The following ABL2 variants were observed in gnomAD, a reference collection of about 807,000 sequenced individuals.
ABL2 encodes the protein ABL proto-oncogene 2, non-receptor tyrosine kinase.
A neutral mutation model predicts 107.7 loss-of-function variants in ABL2; 49 were observed. The observed-to-expected ratio is 0.45, with a 90% CI of 0.36 to 0.58. The LOEUF (loss-of-function observed/expected upper bound fraction) is 0.58, where lower values mean the gene tolerates loss of function less well. ABL2 is among the 20% of genes least tolerant of loss of function. The pLI is 0.00. For missense variants in ABL2, 1,245 were observed against 1,457.0 expected (o/e 0.85, Z 2.37); for synonymous variants, 549 against 548.6 (o/e 1.00, Z -0.01).
chr1:179,135,154 C>T (rs1656748379), intron 1 of ABL2, among the ~76,000 whole-genome samples: 1 of 152,214 alleles, frequency 6.6e-6, no homozygotes, highest in Non-Finnish European at 1.5e-5. Context: ...GCCGCCACCC[C>T]GTCTGGGAAG....
intron 1 of ABL2, among the ~76,000 whole-genome samples, chr1:179,209,075 T>G (rs545355692): frequency 1.0e-3 from 158 of 152,282 alleles, no homozygotes; most frequent in African/African-American, 3.6e-3. Flanking sequence ...ATACAGCACC[T>G]TGGCATTTGA....
intron 1 of ABL2, among the ~76,000 whole-genome samples, chr1:179,203,649 T>C (rs902448477): frequency 6.6e-6 from 1 of 152,172 alleles, no homozygotes; most frequent in Non-Finnish European, 1.5e-5. Context: ...TGGTAGGCAA[T>C]AGCTTACAGT....
At chr1:179,156,915 AAATAAATAAATAAAT>A (rs1396524285) in intron 1 of ABL2, among the ~76,000 whole-genome samples, 10 of 150,156 alleles carry the variant, frequency 6.7e-5, no homozygotes, top group Admixed American at 4.0e-4. Flanking sequence ...ATAAATAAAT[AAATAAATAAATAAAT>A]AAAACTCTAT....
At chr1:179,153,724 C>T (rs778363065) in intron 1 of ABL2, among the ~76,000 whole-genome samples, 6 of 152,072 alleles carry the variant, frequency 3.9e-5, no homozygotes, top group Non-Finnish European at 7.4e-5. Context: ...TTCATAGGTT[C>T]CAGGGATTAG....
intron 3 of ABL2, 151 bp downstream of exon 3, chr1:179,131,151 CCAGGTTGGT>C (rs1199512473): frequency 3.5e-6 from 2 of 578,164 alleles, no homozygotes; most frequent in African/African-American, 3.7e-5. Flanking sequence ...ACCATGTTGG[CCAGGTTGGT>C]CTCAAACTCC....
At chr1:179,198,510 T>C (rs964553456) in intron 1 of ABL2, among the ~76,000 whole-genome samples, 1 of 151,654 alleles carries the variant, frequency 6.6e-6, no homozygotes. Flanking sequence ...CTGGCCAACA[T>C]GGTGAAACCC....
In ABL2 at chr1:179,126,953, A is replaced by G. The variant is rs2636290; in HGVS notation, c.392-281T>C. Among the ~76,000 whole-genome samples, 119,003 of 152,078 alleles carry G rather than the reference A, an allele frequency of 0.78. 47,513 individuals carry two copies. The highest frequency in any genetic ancestry group is 0.95 in the African/African-American group (39,367 of 41,506). ...ATATACAACTTAAAAAATATCCTTAAGAAATTCTATGTATGCCAGACAGGT... is the reference window on the plus strand; with the variant it reads ...ATATACAACTTAAAAAATATCCTTAGGAAATTCTATGTATGCCAGACAGGT... On this transcript the variant is annotated intron_variant, in intron 3 of 11. Coordinates refer to ENST00000502732, the MANE Select transcript of ABL2 (RefSeq NM_007314.4). The surrounding 1 kb of genome is among the most constrained non-coding windows in gnomAD (Gnocchi z 4.4).
At chr1:179,121,079 C>G (rs1015943378) in intron 5 of ABL2, among the ~76,000 whole-genome samples, 4 of 152,160 alleles carry the variant, frequency 2.6e-5, no homozygotes, top group Non-Finnish European at 5.9e-5. Flanking sequence ...TACTGAGGCT[C>G]TGGGAGAATC....
chr1:179,229,513 C>T lies in ABL2; in HGVS notation c.-116G>A. The T allele has an allele frequency of 8.4e-7, 1 of 1,187,838 alleles. No homozygotes were observed. The highest frequency in any genetic ancestry group is 1.1e-6 in the Non-Finnish European group (1 of 911,922). The allele number at this position is 1,187,838 out of a possible 1,614,324, so 73.6% of individuals were successfully genotyped here. On this transcript the variant is annotated 5_prime_UTR_variant, in exon 1 of 12. Coordinates refer to ENST00000502732, the MANE Select transcript of ABL2 (RefSeq NM_007314.4). ...CTCCCTCCCAGCCCAGGCCCTGGCC[C>T]TGAGTGGCTGGGCCACCGGCGGCTC...
chr1:179,157,455 C>A (rs1353054028), intron 1 of ABL2, among the ~76,000 whole-genome samples: 2 of 151,910 alleles, frequency 1.3e-5, no homozygotes, highest in East Asian at 3.9e-4. Context: ...CAAGATCATG[C>A]CACTGTACTC....
chr1:179,182,761 T>A (rs1361439114), intron 1 of ABL2, among the ~76,000 whole-genome samples: 1 of 152,220 alleles, frequency 6.6e-6, no homozygotes, highest in Non-Finnish European at 1.5e-5. Flanking sequence ...ATTTTGCATA[T>A]TTAAATTTAT....
intron 1 of ABL2, among the ~76,000 whole-genome samples, chr1:179,145,855 T>A (rs1331578264): frequency 1.3e-5 from 2 of 151,386 alleles, no homozygotes; most frequent in African/African-American, 4.9e-5. Context: ...GGAAATCCAG[T>A]GAACAGTTTT....
intron 1 of ABL2, among the ~76,000 whole-genome samples, chr1:179,189,075 T>C (rs1363161325): frequency 6.6e-6 from 1 of 152,224 alleles, no homozygotes. Flanking sequence ...TCTCATGATG[T>C]GGAACACTAA....
chr1:179,131,567 G>C, intron 2 of ABL2, 86 bp from the exon 3 acceptor site: 1 of 1,389,556 alleles, frequency 7.2e-7, no homozygotes, highest in Non-Finnish European at 1.0e-6. Context: ...CAGTATTTCA[G>C]CTGCTGGCTC....
At chr1:179,157,818 C>T (rs1398066062) in intron 1 of ABL2, among the ~76,000 whole-genome samples, 4 of 151,884 alleles carry the variant, frequency 2.6e-5, no homozygotes, top group Middle Eastern at 3.4e-3. Context: ...GATCCTCCTG[C>T]GTCAGCCTCC....
At chr1:179,141,091 G>A (rs922688067) in intron 1 of ABL2, among the ~76,000 whole-genome samples, 5 of 149,722 alleles carry the variant, frequency 3.3e-5, no homozygotes, top group African/African-American at 1.2e-4. Context: ...ACTCCAACTT[G>A]GGTGACAAAG....
At position 179,135,881 on chromosome 1, in the gene ABL2, C is replaced by T. The variant is rs1310026927; in HGVS notation, c.158-2507G>A. On this transcript the variant is annotated intron_variant, in intron 1 of 11. Coordinates refer to ENST00000502732, the MANE Select transcript of ABL2 (RefSeq NM_007314.4). ...CCGCCCCGTCCAGGAGGTGAGGGGGCGCCTCTGCCCGGCCGCCCCTACTGG... is the reference window on the plus strand; with the variant it reads ...CCGCCCCGTCCAGGAGGTGAGGGGGTGCCTCTGCCCGGCCGCCCCTACTGG... Among the ~76,000 whole-genome samples, 9 of 135,154 alleles carry T rather than the reference C, an allele frequency of 6.7e-5. 1 individual carries two copies. The highest frequency in any genetic ancestry group is 8.5e-5 in the African/African-American group (3 of 35,240). The allele number at this position is 135,154 out of a possible 152,430, so 88.7% of individuals were successfully genotyped here.
At chr1:179,146,058 C>A (rs1657967250) in intron 1 of ABL2, among the ~76,000 whole-genome samples, 1 of 151,966 alleles carries the variant, frequency 6.6e-6, no homozygotes, top group Non-Finnish European at 1.5e-5. Context: ...CCATGCCTGG[C>A]TAATTTTTGT....
At position 179,203,399 on chromosome 1, in the gene ABL2, T is replaced by G. The variant is rs1015383607; in HGVS notation, c.157+25842A>C. 2.0e-5 allele frequency among the ~76,000 whole-genome samples: 3 copies of G among 152,186 alleles called. No individual in the cohort carries two copies. In the South Asian group the frequency reaches 6.2e-4, roughly 31 times the overall value. On this transcript the variant is annotated intron_variant, in intron 1 of 11. Transcript: ENST00000502732. ...TCTTCAAATTGGAAACCAGTTAGTA[T>G]GCACCATCACCCTCCCTATCAGTAC...
Sources: gnomAD v4.1 joint callset for allele counts (sites outside exome capture counted in the v4.1 genomes callset) on GRCh38, gnomAD v4.1.1 for gene constraint, Gnocchi (gnomAD v3.1) non-coding constraint, MANE v1.5 for transcripts, NCBI Gene and HGNC (gene_info 2026-07-23, HGNC 2026-07-21) for gene names.